Variants in SLC16A7 observed in about 807,000 individuals in gnomAD.
The protein encoded by SLC16A7 is monocarboxylate transporter 2.
SLC16A7 carries 33 observed loss-of-function variants against 34.9 expected under a neutral mutation model. The observed-to-expected ratio is 0.94, with a 90% CI of 0.72 to 1.26. The LOEUF (loss-of-function observed/expected upper bound fraction) is 1.26, where lower values mean the gene tolerates loss of function less well. Ranked by LOEUF, SLC16A7 falls within the 50% of genes most tolerant of loss-of-function variation. The pLI is 0.00. For missense variants in SLC16A7, 573 were observed against 578.1 expected (o/e 0.99, Z 0.09); for synonymous variants, 201 against 206.6 (o/e 0.97, Z 0.23).
At chr12:59,731,302 A>G (rs1876923911) in intron 3 of SLC16A7, among the ~76,000 whole-genome samples, 1 of 152,232 alleles carries the variant, frequency 6.6e-6, no homozygotes, top group Non-Finnish European at 1.5e-5. Context: ...AGTTTATAGC[A>G]TCCTTTTACA....
intron 1 of SLC16A7, among the ~76,000 whole-genome samples, chr12:59,630,179 CT>C (rs1439307801): frequency 2.0e-5 from 3 of 151,756 alleles, no homozygotes; most frequent in Non-Finnish European, 1.5e-5. Flanking sequence ...GGTCACTTTC[CT>C]TGGTGTGGTA....
At chr12:59,617,581 C>T (rs1374311863) in intron 1 of SLC16A7, among the ~76,000 whole-genome samples, 2 of 151,952 alleles carry the variant, frequency 1.3e-5, no homozygotes, top group African/African-American at 4.8e-5. Context: ...GTGACCTGAT[C>T]TCAGGTGATT....
intron 1 of SLC16A7, among the ~76,000 whole-genome samples, chr12:59,609,217 T>TA (rs1196485069): frequency 6.6e-6 from 1 of 152,210 alleles, no homozygotes; most frequent in Non-Finnish European, 1.5e-5. Flanking sequence ...TTTAGGGAGA[T>TA]ACTAAATGAT....
At chr12:59,699,670 A>G (rs911052512) in intron 2 of SLC16A7, among the ~76,000 whole-genome samples, 3 of 151,802 alleles carry the variant, frequency 2.0e-5, no homozygotes, top group East Asian at 3.9e-4. Context: ...ATATAGATAC[A>G]TACACATGTA....
intron 1 of SLC16A7, among the ~76,000 whole-genome samples, chr12:59,632,216 T>G (rs556507392): frequency 1.3e-5 from 2 of 152,022 alleles, no homozygotes; most frequent in Non-Finnish European, 2.9e-5. Flanking sequence ...TAAAGAAGAT[T>G]AAACTTAAAT....
chr12:59,609,103 G>A (rs1282618469), intron 1 of SLC16A7, among the ~76,000 whole-genome samples: 1 of 152,214 alleles, frequency 6.6e-6, no homozygotes, highest in Non-Finnish European at 1.5e-5. Context: ...TTATTGTCAT[G>A]CCCAGGGAAG....
At chr12:59,693,710 T>C (rs1871937714) in intron 2 of SLC16A7, among the ~76,000 whole-genome samples, 1 of 151,862 alleles carries the variant, frequency 6.6e-6, no homozygotes. Context: ...GATAAGAATA[T>C]AAATTCTGAT....
At chr12:59,674,006 ATAG>A (rs1168119926) in intron 2 of SLC16A7, among the ~76,000 whole-genome samples, 10 of 150,752 alleles carry the variant, frequency 6.6e-5, no homozygotes, top group Non-Finnish European at 1.5e-5. Flanking sequence ...GCCTTATACA[ATAG>A]TTATTACTAT....
chr12:59,753,663 TTTAACACCC>T (rs1287673201), intron 3 of SLC16A7, among the ~76,000 whole-genome samples: 1 of 151,970 alleles, frequency 6.6e-6, no homozygotes. Flanking sequence ...AATGGGAGAC[TTTAACACCC>T]CACTGTCAAC....
At chr12:59,657,897 A>C (rs769655474) in intron 2 of SLC16A7, among the ~76,000 whole-genome samples, 17 of 151,954 alleles carry the variant, frequency 1.1e-4, no homozygotes, top group Non-Finnish European at 1.9e-4. Context: ...CCACACACAA[A>C]GGCCAGTTGC....
At chr12:59,633,353 A>G (rs1880271466) in intron 1 of SLC16A7, among the ~76,000 whole-genome samples, 1 of 152,024 alleles carries the variant, frequency 6.6e-6, no homozygotes, top group Non-Finnish European at 1.5e-5. Context: ...ACTACTAATC[A>G]TATCAGTTCA....
chr12:59,676,107 T>C (rs536550238), intron 2 of SLC16A7, among the ~76,000 whole-genome samples: 1 of 152,280 alleles, frequency 6.6e-6, no homozygotes, highest in African/African-American at 2.4e-5. Context: ...ACTTATGGCT[T>C]TCTTGCTCCT....
chr12:59,617,161 C>T (rs1879490889), intron 1 of SLC16A7, among the ~76,000 whole-genome samples: 1 of 151,944 alleles, frequency 6.6e-6, no homozygotes, highest in Admixed American at 6.6e-5. Context: ...CTGCTCTATT[C>T]TGTGAGTCTT....
chr12:59,625,841 A>G (rs1010610086), intron 1 of SLC16A7, among the ~76,000 whole-genome samples: 1 of 151,832 alleles, frequency 6.6e-6, no homozygotes, highest in African/African-American at 2.4e-5. Flanking sequence ...CCTAATACAC[A>G]TGGAGGAAAT....
At chr12:59,760,836 T>C (rs1185941145) in intron 3 of SLC16A7, among the ~76,000 whole-genome samples, 1 of 152,068 alleles carries the variant, frequency 6.6e-6, no homozygotes, top group East Asian at 1.9e-4. Flanking sequence ...CCATTTAATA[T>C]TTTTGGACCT....
intron 1 of SLC16A7, among the ~76,000 whole-genome samples, chr12:59,613,707 G>GA (rs765273327): frequency 1.3e-5 from 2 of 152,036 alleles, no homozygotes; most frequent in Non-Finnish European, 2.9e-5. Flanking sequence ...AGATGATGAA[G>GA]AAAAAATGAA....
At chr12:59,778,320 T>C (rs1455859964) in intron 5 of SLC16A7, among the ~76,000 whole-genome samples, 4 of 152,286 alleles carry the variant, frequency 2.6e-5, no homozygotes, top group Admixed American at 6.6e-5. Flanking sequence ...AAACCCATTA[T>C]ACCATCTACC....
At chr12:59,765,600 C>T (rs918328645) in intron 3 of SLC16A7, among the ~76,000 whole-genome samples, 27 of 152,126 alleles carry the variant, frequency 1.8e-4, no homozygotes, top group Non-Finnish European at 1.5e-4. Context: ...ATCCTTTCCC[C>T]ATTTCTTGAT....
intron 1 of SLC16A7, among the ~76,000 whole-genome samples, chr12:59,639,145 T>C (rs1269488431): frequency 1.3e-5 from 2 of 152,186 alleles, no homozygotes; most frequent in East Asian, 1.9e-4. Context: ...TTCTGTATTC[T>C]GAAAATCATT....
Sources: allele counts gnomAD v4.1 joint callset (sites outside exome capture counted in the v4.1 genomes callset), GRCh38; gene constraint gnomAD v4.1.1; transcripts MANE v1.5; gene names NCBI Gene and HGNC (gene_info 2026-07-23, HGNC 2026-07-21).